Variants in CDKL3 observed in about 807,000 individuals in gnomAD.
The protein encoded by CDKL3 is cyclin-dependent kinase-like 3.
Under a neutral mutation model 69.3 loss-of-function variants are expected in CDKL3, and 65 were observed. That is an observed-to-expected ratio of 0.94 (90% CI 0.77 to 1.15). The LOEUF (loss-of-function observed/expected upper bound fraction) is 1.15, where lower values mean the gene tolerates loss of function less well. Ranked by LOEUF, CDKL3 falls within the 50% of genes most tolerant of loss-of-function variation. The probability of loss-of-function intolerance (pLI) is 0.00; values close to 1 mark genes in which losing one functional copy is unlikely to be tolerated. For synonymous variants in CDKL3, 202 were observed against 221.6 expected (o/e 0.91, Z 0.79); for missense variants, 652 against 689.2 (o/e 0.95, Z 0.61).
intron 6 of CDKL3, among the ~76,000 whole-genome samples, chr5:134,315,986 C>T (rs956075018): frequency 6.6e-6 from 1 of 152,162 alleles, no homozygotes; most frequent in Admixed American, 6.5e-5. Context: ...GGGTCTCACT[C>T]TGTTGCCCAG....
At chr5:134,307,017 A>G (rs1768069073) in intron 9 of CDKL3, among the ~76,000 whole-genome samples, 1 of 152,018 alleles carries the variant, frequency 6.6e-6, no homozygotes, top group South Asian at 2.1e-4. Flanking sequence ...GGCCTCCCAA[A>G]TTGCTGGGAT....
intron 9 of CDKL3, chr5:134,307,917 G>T: frequency 1.8e-6 from 1 of 556,812 alleles, no homozygotes; most frequent in Non-Finnish European, 2.7e-6. Context: ...GGTTTTTCAA[G>T]AAGACATTAG....
chr5:134,353,152 C>A (rs1753733808), intron 3 of CDKL3, among the ~76,000 whole-genome samples: 1 of 152,172 alleles, frequency 6.6e-6, no homozygotes, highest in Non-Finnish European at 1.5e-5. Flanking sequence ...ATAATTTCAA[C>A]ATTTCTACGT....
chr5:134,326,837 A>ATATATGTGTGTG (rs1774435834), intron 4 of CDKL3, among the ~76,000 whole-genome samples: 1 of 30,604 alleles, frequency 3.3e-5, no homozygotes, highest in Non-Finnish European at 8.6e-5. Flanking sequence ...ATATATATAT[A>ATATATGTGTGTG]TATATATATA....
intron 12 of CDKL3, 149 bp from the exon 13 acceptor site, chr5:134,298,859 C>G (rs550494719): frequency 9.5e-7 from 1 of 1,056,274 alleles, no homozygotes; most frequent in African/African-American, 1.6e-5. Context: ...CAATGCCTTG[C>G]TCAACTTCCA....
intron 4 of CDKL3, among the ~76,000 whole-genome samples, chr5:134,327,276 G>A (rs766644484): frequency 1.2e-4 from 18 of 152,120 alleles, no homozygotes; most frequent in Non-Finnish European, 1.9e-4. Context: ...ATAAGGCAGA[G>A]GTTTCATGCC....
In CDKL3 at chr5:134,308,222, G is replaced by T; in HGVS notation, c.1280C>A (p.Ser427Tyr). 6.2e-7 allele frequency: 1 copy of T among 1,613,972 alleles called. No individual in the cohort carries two copies. ...GLKENPHCGG[S>Y]VTMPPINLTN... ...TAGATTGATGGGTGGCATTGTCACAGAACCTCCGCAATGTGGATTTTCTTT... is the reference window on the plus strand; with the variant it reads ...TAGATTGATGGGTGGCATTGTCACATAACCTCCGCAATGTGGATTTTCTTT... The change falls in exon 9 of 13, where the codon TCT becomes TAT. Residue 427 changes from serine (S) to tyrosine (Y), a missense_variant. Transcript: ENST00000265334.
At chr5:134,320,973 C>A (rs1172084722) in intron 5 of CDKL3, among the ~76,000 whole-genome samples, 2 of 149,330 alleles carry the variant, frequency 1.3e-5, no homozygotes, top group Non-Finnish European at 3.0e-5. Context: ...CAAAGCAGAT[C>A]ATCAAATAAT....
intron 2 of CDKL3, among the ~76,000 whole-genome samples, chr5:134,365,508 A>C (rs1757199364): frequency 6.6e-6 from 1 of 152,102 alleles, no homozygotes; most frequent in Non-Finnish European, 1.5e-5. Context: ...GGGTCCTCAG[A>C]CATTTTCCAA....
intron 2 of CDKL3, among the ~76,000 whole-genome samples, chr5:134,360,781 A>G (rs1755812836): frequency 6.6e-6 from 1 of 152,216 alleles, no homozygotes; most frequent in South Asian, 2.1e-4. Flanking sequence ...ATGGATTTCA[A>G]CACGATTAAG....
At chr5:134,296,255 T>C (rs558906973), downstream of CDKL3, among the ~76,000 whole-genome samples, 1 of 151,754 alleles carries the variant, frequency 6.6e-6, no homozygotes, top group Non-Finnish European at 1.5e-5. Flanking sequence ...GATGGCTAAA[T>C]AGTAGAAAAA....
At chr5:134,324,626 A>AT in intron 4 of CDKL3, among the ~76,000 whole-genome samples, 1 of 152,224 alleles carries the variant, frequency 6.6e-6, no homozygotes, top group East Asian at 1.9e-4. Flanking sequence ...TTCCAACTAT[A>AT]TGATATTCTG....
At chr5:134,293,007 T>C (rs1375753685) in intron 8 of CDKL3, among the ~76,000 whole-genome samples, 4 of 90,416 alleles carry the variant, frequency 4.4e-5, no homozygotes, top group Non-Finnish European at 8.3e-5. Context: ...AATTTCTTTT[T>C]TTTTTTTTTT....
At chr5:134,326,940 T>A (rs906307905) in intron 4 of CDKL3, among the ~76,000 whole-genome samples, 1 of 150,276 alleles carries the variant, frequency 6.7e-6, no homozygotes, top group Non-Finnish European at 1.5e-5. Context: ...CTAAAAACTA[T>A]GCAATTCAGT....
At chr5:134,342,787 T>C (rs1228999605) in intron 4 of CDKL3, among the ~76,000 whole-genome samples, 1 of 152,218 alleles carries the variant, frequency 6.6e-6, no homozygotes, top group Non-Finnish European at 1.5e-5. Flanking sequence ...ATTGAGAAGC[T>C]GATCTTAAAA....
chr5:134,365,426 C>CTT (rs150939400), intron 2 of CDKL3, among the ~76,000 whole-genome samples: 3 of 148,422 alleles, frequency 2.0e-5, no homozygotes, highest in African/African-American at 7.4e-5. Flanking sequence ...GGCCTCATGT[C>CTT]TTTTTTTTTT....
chr5:134,351,709 C>T (rs1017919686), intron 3 of CDKL3, among the ~76,000 whole-genome samples: 1 of 152,172 alleles, frequency 6.6e-6, no homozygotes. Context: ...ATCTTCCCAC[C>T]TCAGCCTTCC....
Position 134,318,732 on chromosome 5 carries a change from G to A in CDKL3, c.792+626C>T, listed in dbSNP as rs535881672. ...GATCTCCTGACCTCGTGATCAGCCC[G>A]TCTCGGCGTCCCAAAGTGCTGGGAT... On this transcript the variant is annotated intron_variant, in intron 6 of 12. Coordinates refer to ENST00000265334, the MANE Select transcript of CDKL3 (RefSeq NM_001113575.2). Among the ~76,000 whole-genome samples the A allele has an allele frequency of 2.6e-5, 4 of 152,032 alleles. No individual in the cohort carries two copies. In the East Asian group the frequency reaches 7.7e-4, roughly 29 times the overall value.
At chr5:134,322,442 G>A (rs1321158437) in intron 4 of CDKL3, among the ~76,000 whole-genome samples, 1 of 152,136 alleles carries the variant, frequency 6.6e-6, no homozygotes, top group East Asian at 1.9e-4. Flanking sequence ...GACTTCTTTG[G>A]AGGAAAAATT....
Sources: allele counts gnomAD v4.1 joint callset (sites outside exome capture counted in the v4.1 genomes callset), GRCh38; gene constraint gnomAD v4.1.1; transcripts MANE v1.5; gene names NCBI Gene and HGNC (gene_info 2026-07-23, HGNC 2026-07-21).